The following ELAVL3 variants were observed in gnomAD, a reference collection of about 807,000 sequenced individuals.
The protein encoded by ELAVL3 is ELAV-like protein 3.
ELAVL3 carries 8 observed loss-of-function variants against 34.2 expected under a neutral mutation model. The observed-to-expected ratio is 0.23, with a 90% CI of 0.14 to 0.42. The LOEUF is 0.42. Among genes scored for constraint, ELAVL3 ranks in the 10% least tolerant of loss-of-function variants. ELAVL3 has a pLI of 1.00. For synonymous variants in ELAVL3, 209 were observed against 222.1 expected, an observed-to-expected ratio of 0.94 and a Z score of 0.53; for missense variants, 273 against 518.8, an observed-to-expected ratio of 0.53 and a Z score of 4.60.
chr19:11,477,167 A>ATT (rs1971277956), intron 1 of ELAVL3, among the ~76,000 whole-genome samples: 1 of 152,144 alleles, frequency 6.6e-6, no homozygotes, highest in Non-Finnish European at 1.5e-5. Flanking sequence ...GTCCTCTGAT[A>ATT]GTTAGGTCAC....
chr19:11,479,818 C>A (rs1478150265), intron 1 of ELAVL3, among the ~76,000 whole-genome samples: 1 of 151,686 alleles, frequency 6.6e-6, no homozygotes, highest in Non-Finnish European at 1.5e-5. Context: ...GGTCACCTCG[C>A]GGCCCAGAGC....
intron 1 of ELAVL3, among the ~76,000 whole-genome samples, chr19:11,469,343 C>T (rs913746179): frequency 4.6e-5 from 7 of 152,272 alleles, no homozygotes; most frequent in South Asian, 2.1e-4. Flanking sequence ...TGCAATGGCG[C>T]GATCTTGGCT....
At chr19:11,456,951 C>T (rs1970780584) in intron 6 of ELAVL3, among the ~76,000 whole-genome samples, 159 bp downstream of exon 6, 1 of 152,162 alleles carries the variant, frequency 6.6e-6, no homozygotes, top group African/African-American at 2.4e-5. Flanking sequence ...AGGCGAGAAC[C>T]ACCACGTCTG....
chr19:11,467,315 G>C (rs528231580), intron 1 of ELAVL3, among the ~76,000 whole-genome samples: 1 of 151,698 alleles, frequency 6.6e-6, no homozygotes, highest in Non-Finnish European at 1.5e-5. Context: ...CCAGCTACTC[G>C]GGAGGCTGAG....
Position 11,474,823 on chromosome 19 carries a change from C to CTATTT in ELAVL3, c.9+5772_9+5776dup, listed in dbSNP as rs541637093. The stretch of plus-strand genomic sequence containing the variant: ...TGTGCCATTGCATGGGGCAATACTG[C>CTATTT]TATTTTATTTTATTTTATTTTTTTG... On this transcript the variant is annotated intron_variant, in intron 1 of 6. Coordinates refer to ENST00000359227, the MANE Select transcript of ELAVL3 (RefSeq NM_001420.4). Among the ~76,000 whole-genome samples, 51 of 152,216 alleles carry CTATTT rather than the reference C, an allele frequency of 3.4e-4. No individual in the cohort carries two copies. In the East Asian group the frequency reaches 5.6e-3, roughly 17 times the overall value.
Position 11,451,910 on chromosome 19 carries a change from G to T in ELAVL3, c.*2616C>A, listed in dbSNP as rs1203100930. On this transcript the variant is annotated 3_prime_UTR_variant, in exon 7 of 7. Transcript: ENST00000359227. ...GGACGCCCTGCTGCAAGCTTCCCACGCGGACGTGCGTGTTCCCGAATGCAG... is the reference window on the plus strand; with the variant it reads ...GGACGCCCTGCTGCAAGCTTCCCACTCGGACGTGCGTGTTCCCGAATGCAG... The T allele has an allele frequency of 6.6e-6, 1 of 151,972 alleles. No homozygotes were observed. Among genetic ancestry groups the T allele is most frequent in the East Asian group, 1.9e-4 (1 of 5,162 alleles). 9.4% of individuals were successfully genotyped at this position (151,972 alleles called of 1,614,324 possible). A position where few individuals can be genotyped will look rare whatever the true frequency, so the allele number is the denominator to read the frequency against.
rs1414187647 is a variant in ELAVL3, at chr19:11,454,332, AC to A, written c.*193del. On this transcript the variant is annotated 3_prime_UTR_variant, in exon 7 of 7. Coordinates refer to ENST00000359227, the MANE Select transcript of ELAVL3 (RefSeq NM_001420.4). This position sits in a 1 kb window ranked among gnomAD's most constrained non-coding sequence, Gnocchi z 9.2. ...AGGATGGGGCGGGGGATCCCCGGGC[AC>A]CCCCCCAATTCCCTGCAGACCCTCC... 38 of 584,184 alleles carry A rather than the reference AC, an allele frequency of 6.5e-5. No homozygotes were observed. Among genetic ancestry groups the A allele is most frequent in the Non-Finnish European group, 8.7e-5 (29 of 334,876 alleles). The allele number at this position is 584,184 out of a possible 1,614,324, so 36.2% of individuals were successfully genotyped here.
At chr19:11,471,320 AT>A (rs923007289) in intron 1 of ELAVL3, among the ~76,000 whole-genome samples, 35 of 133,466 alleles carry the variant, frequency 2.6e-4, no homozygotes, top group African/African-American at 6.1e-4. Context: ...AAAAAAAAAA[AT>A]TTTTTTTTTT....
Position 11,454,510 on chromosome 19 carries a change from G to A in ELAVL3, c.*16C>T. The A allele has an allele frequency of 1.3e-6, 2 of 1,565,132 alleles. No individual in the cohort carries two copies. The highest frequency in any genetic ancestry group is 1.7e-6 in the Non-Finnish European group (2 of 1,154,524). On this transcript the variant is annotated 3_prime_UTR_variant, in exon 7 of 7. Coordinates refer to ENST00000359227, the MANE Select transcript of ELAVL3 (RefSeq NM_001420.4). The surrounding 1 kb of genome is among the most constrained non-coding windows in gnomAD (Gnocchi z 9.2). ...CTGCTGCCCGGGGAGGGGGTGGGAG[G>A]GCAGGCGGGGTGGGCTCACGCCTTG...
At chr19:11,457,293 G>C in intron 5 of ELAVL3, 145 bp from the exon 6 acceptor site, 2 of 882,598 alleles carry the variant, frequency 2.3e-6, no homozygotes, top group Non-Finnish European at 3.3e-6. Context: ...CGCCCGGCTA[G>C]ACACTGCCTG....
In ELAVL3 at chr19:11,455,000, T is replaced by A; in HGVS notation, c.753-123A>T. 8.6e-7 allele frequency: 1 copy of A among 1,161,046 alleles called. No homozygotes were observed. The highest frequency in any genetic ancestry group is 1.2e-6 in the Non-Finnish European group (1 of 826,230). The allele number at this position is 1,161,046 out of a possible 1,614,324, so 71.9% of individuals were successfully genotyped here. A position where few individuals can be genotyped will look rare whatever the true frequency, so the allele number is the denominator to read the frequency against. On this transcript the variant is annotated intron_variant, in intron 6 of 6. Coordinates refer to ENST00000359227, the MANE Select transcript of ELAVL3 (RefSeq NM_001420.4). The surrounding 1 kb of genome is among the most constrained non-coding windows in gnomAD (Gnocchi z 9.2). ...CCTTGGAATGGTGTGACCCCTGCAA[T>A]GCAATTTTTTTTTTTAGAGACACGG...
At position 11,454,165 on chromosome 19, in the gene ELAVL3, A is replaced by T; in HGVS notation, c.*361T>A. 4.9e-6 allele frequency: 1 copy of T among 205,982 alleles called. No homozygotes were observed. The highest frequency in any genetic ancestry group is 9.9e-6 in the Non-Finnish European group (1 of 101,218). The allele number at this position is 205,982 out of a possible 1,614,324, so 12.8% of individuals were successfully genotyped here. A position where few individuals can be genotyped will look rare whatever the true frequency, so the allele number is the denominator to read the frequency against. ...GGGAGGGCACCCCCTGGAGCCCCCC[A>T]AGCCATCCCATCGGGGGTGGTCGAG... On this transcript the variant is annotated 3_prime_UTR_variant, in exon 7 of 7. Coordinates refer to ENST00000359227, the MANE Select transcript of ELAVL3 (RefSeq NM_001420.4). The surrounding 1 kb of genome is among the most constrained non-coding windows in gnomAD (Gnocchi z 9.2).
At chr19:11,478,511 G>A (rs750686795) in intron 1 of ELAVL3, among the ~76,000 whole-genome samples, 1 of 152,092 alleles carries the variant, frequency 6.6e-6, no homozygotes, top group Non-Finnish European at 1.5e-5. Flanking sequence ...AGAGATGGGG[G>A]GGTGGCAAAG....
rs1599525018 is a variant in ELAVL3, at chr19:11,454,043, A to G, written c.*483T>C. 1 of 136,312 alleles carries G rather than the reference A, an allele frequency of 7.3e-6. No individual in the cohort carries two copies. The highest frequency in any genetic ancestry group is 2.2e-4 in the East Asian group (1 of 4,544). The allele number at this position is 136,312 out of a possible 1,614,324, so 8.4% of individuals were successfully genotyped here. A position where few individuals can be genotyped will look rare whatever the true frequency, so the allele number is the denominator to read the frequency against. On this transcript the variant is annotated 3_prime_UTR_variant, in exon 7 of 7. Coordinates refer to ENST00000359227, the MANE Select transcript of ELAVL3 (RefSeq NM_001420.4). The surrounding 1 kb of genome is among the most constrained non-coding windows in gnomAD (Gnocchi z 9.2). ...GGGGCACTGGGCCGGGGGTGCCCAC[A>G]CCCCTCCTCACGGTTCGCTTTTTTG...
intron 3 of ELAVL3, among the ~76,000 whole-genome samples, chr19:11,465,594 C>T (rs1001393429): frequency 1.3e-5 from 2 of 152,124 alleles, no homozygotes; most frequent in Middle Eastern, 3.4e-3. Flanking sequence ...GGCCACCCCC[C>T]CGACCCTGGC....
chr19:11,478,703 C>T (rs1306808680), intron 1 of ELAVL3, among the ~76,000 whole-genome samples: 1 of 152,122 alleles, frequency 6.6e-6, no homozygotes, highest in East Asian at 1.9e-4. Context: ...CCTCATCACT[C>T]TCTCTTCCTC....
chr19:11,463,374 G>T (rs1023158315), intron 3 of ELAVL3, among the ~76,000 whole-genome samples: 1 of 152,168 alleles, frequency 6.6e-6, no homozygotes, highest in African/African-American at 2.4e-5. Context: ...ATGCAGTGCC[G>T]CCCCGCTGCA....
rs1970646432 is a variant in ELAVL3 at position 11,451,808 on chromosome 19, G to C, written c.*2718C>G. 6.6e-6 allele frequency: 1 copy of C among 151,890 alleles called. No homozygotes were observed. The highest frequency in any genetic ancestry group is 2.4e-5 in the African/African-American group (1 of 41,332). The allele number at this position is 151,890 out of a possible 1,614,324, so 9.4% of individuals were successfully genotyped here. A position where few individuals can be genotyped will look rare whatever the true frequency, so the allele number is the denominator to read the frequency against. On this transcript the variant is annotated 3_prime_UTR_variant, in exon 7 of 7. Coordinates refer to ENST00000359227, the MANE Select transcript of ELAVL3 (RefSeq NM_001420.4). ...CAGGGGCCTAGGCCTCGGTGGGGGG[G>C]GGGTGTGTGGGGAGGTGCCCCCTCT...
chr19:11,480,787 G>C lies in ELAVL3; in HGVS notation c.-179C>G. The C allele has an allele frequency of 2.0e-6, 1 of 488,048 alleles. No homozygotes were observed. The highest frequency in any genetic ancestry group is 4.4e-5 in the Admixed American group (1 of 22,528). 30.2% of individuals were successfully genotyped at this position (488,048 alleles called of 1,614,324 possible). ...GGGCCAGGGACGGGCCCGAACCCGG[G>C]GATGCGCGCGCGGATGGCCGGGCCC... On this transcript the variant is annotated 5_prime_UTR_variant, in exon 1 of 7. Transcript: ENST00000359227. The surrounding 1 kb of genome is among the most constrained non-coding windows in gnomAD (Gnocchi z 6.8).
Sources: allele counts gnomAD v4.1 joint callset (sites outside exome capture counted in the v4.1 genomes callset), GRCh38; gene constraint gnomAD v4.1.1; non-coding constraint Gnocchi (gnomAD v3.1); transcripts MANE v1.5; gene names NCBI Gene and HGNC (gene_info 2026-07-23, HGNC 2026-07-21).